Variants in ERI3 observed in about 807,000 individuals in gnomAD.
ERI3 encodes ERI1 exoribonuclease 3.
In ERI3, 18 loss-of-function variants were observed where a neutral mutation model predicts 44.4. The ratio of observed to expected loss-of-function variants is 0.41; its 90% CI spans 0.28 to 0.60. The LOEUF (loss-of-function observed/expected upper bound fraction) is 0.60. ERI3 is among the 20% of genes least tolerant of loss of function. The probability of loss-of-function intolerance (pLI) is 0.36; values close to 1 mark genes in which losing one functional copy is unlikely to be tolerated. For synonymous variants in ERI3, 183 were observed against 164.8 expected, an observed-to-expected ratio of 1.11 and a Z score of -0.84; for missense variants, 294 against 435.5, an observed-to-expected ratio of 0.68 and a Z score of 2.89.
At chr1:44,272,195 G>T (rs775408867) in intron 7 of ERI3, among the ~76,000 whole-genome samples, 39 of 152,196 alleles carry the variant, frequency 2.6e-4, no homozygotes, top group Non-Finnish European at 5.0e-4. Context: ...GCTCAAAGAA[G>T]TTAAGTGACT....
At chr1:44,223,444 A>G (rs139563087) in intron 8 of ERI3, among the ~76,000 whole-genome samples, 1 of 151,956 alleles carries the variant, frequency 6.6e-6, no homozygotes, top group Non-Finnish European at 1.5e-5. Context: ...AGAGACTATG[A>G]TAGGGTGATT....
At position 44,316,437 on chromosome 1, in the gene ERI3, T is replaced by G. The variant is rs112595061; in HGVS notation, c.606+3191A>C. On this transcript the variant is annotated intron_variant, in intron 4 of 8. Transcript: ENST00000372257. ...CCTGACTGATAACATGGCTGGTTAC[T>G]GAGATCCCCTACCCTCACAAGGGCT... Among the ~76,000 whole-genome samples, 11 of 152,334 alleles carry G rather than the reference T, an allele frequency of 7.2e-5. 1 individual carries two copies. The highest frequency in any genetic ancestry group is 2.6e-4 in the African/African-American group (11 of 41,578).
intron 7 of ERI3, among the ~76,000 whole-genome samples, chr1:44,265,158 A>G (rs910151510): frequency 5.3e-5 from 7 of 131,600 alleles, no homozygotes; most frequent in Non-Finnish European, 8.1e-5. Flanking sequence ...GAAGGAGAAC[A>G]AGTGGAGTCA....
At chr1:44,274,296 G>A (rs561159814) in intron 7 of ERI3, among the ~76,000 whole-genome samples, 28 of 152,304 alleles carry the variant, frequency 1.8e-4, no homozygotes, top group East Asian at 1.7e-3. Flanking sequence ...GGAGCGGCGC[G>A]CTTTATGGGC....
intron 2 of ERI3, among the ~76,000 whole-genome samples, chr1:44,342,439 T>C (rs1041756306): frequency 6.6e-6 from 1 of 151,984 alleles, no homozygotes; most frequent in Non-Finnish European, 1.5e-5. Flanking sequence ...AGTTAAAATA[T>C]GGAAAGGGAG....
At chr1:44,254,730 T>G (rs1437350636) in intron 7 of ERI3, among the ~76,000 whole-genome samples, 6 of 152,086 alleles carry the variant, frequency 3.9e-5, no homozygotes, top group South Asian at 2.1e-4. Flanking sequence ...GCAGAGCTCT[T>G]TCTGCATGCC....
rs1645362504 is a variant in ERI3, at chr1:44,284,975, G to A, written c.759-68C>T. On this transcript the variant is annotated intron_variant, in intron 6 of 8. Coordinates refer to ENST00000372257, the MANE Select transcript of ERI3 (RefSeq NM_024066.3). The stretch of plus-strand genomic sequence containing the variant: ...GTCCCAGGTATGAAGTCTTAAGATG[G>A]GAAGTCCAACAGAGCATACAAGACA... The A allele has an allele frequency of 2.2e-6, 3 of 1,352,574 alleles. No homozygotes were observed. The Admixed American group carries it at 5.2e-5, about 23-fold the overall frequency. The allele number at this position is 1,352,574 out of a possible 1,614,324, so 83.8% of individuals were successfully genotyped here. A position where few individuals can be genotyped will look rare whatever the true frequency, so the allele number is the denominator to read the frequency against.
chr1:44,281,988 C>A (rs1645300796), intron 7 of ERI3, among the ~76,000 whole-genome samples: 1 of 150,826 alleles, frequency 6.6e-6, no homozygotes, highest in Non-Finnish European at 1.5e-5. Context: ...GGGAGCAGGG[C>A]CCCAAGTCCT....
chr1:44,248,716 T>C (rs1644607564), intron 7 of ERI3, among the ~76,000 whole-genome samples: 1 of 151,790 alleles, frequency 6.6e-6, no homozygotes, highest in African/African-American at 2.4e-5. Context: ...TGTGTGTGTG[T>C]GTGTGTGTGT....
At chr1:44,268,344 T>C (rs975290047) in intron 7 of ERI3, among the ~76,000 whole-genome samples, 11 of 152,132 alleles carry the variant, frequency 7.2e-5, no homozygotes, top group East Asian at 1.9e-4. Context: ...ACCTGAGACC[T>C]AGGTCCAGGG....
chr1:44,226,816 A>ACACACACAC (rs1557764563), intron 8 of ERI3, among the ~76,000 whole-genome samples: 6 of 87,356 alleles, frequency 6.9e-5, no homozygotes, highest in African/African-American at 3.0e-4. Context: ...CACACACACA[A>ACACACACAC]ACTATCCTAT....
intron 6 of ERI3, among the ~76,000 whole-genome samples, chr1:44,298,094 G>A (rs1187586190): frequency 6.6e-6 from 1 of 152,266 alleles, no homozygotes; most frequent in Non-Finnish European, 1.5e-5. Context: ...GCAGACAGCT[G>A]CAAGCACTGG....
chr1:44,289,927 C>T (rs976503715), intron 6 of ERI3, among the ~76,000 whole-genome samples: 10 of 152,248 alleles, frequency 6.6e-5, no homozygotes, highest in African/African-American at 2.4e-4. Context: ...AGGCCAACAG[C>T]CAGGACCAGC....
chr1:44,253,718 G>A lies in ERI3; in HGVS notation c.832-5680C>T, dbSNP rs558026925. 1.6e-4 allele frequency among the ~76,000 whole-genome samples: 25 copies of A among 152,302 alleles called. No individual in the cohort carries two copies. The East Asian group carries it at 4.4e-3, about 27-fold the overall frequency. ...CCGGGGCTGCTGTGTTAAGTAGTGAGACTGCCTGAAGGTAGCCATGCCATG... is the reference window on the plus strand; with the variant it reads ...CCGGGGCTGCTGTGTTAAGTAGTGAAACTGCCTGAAGGTAGCCATGCCATG... On this transcript the variant is annotated intron_variant, in intron 7 of 8. Transcript: ENST00000372257.
chr1:44,307,690 A>C (rs1173210128), intron 6 of ERI3, among the ~76,000 whole-genome samples: 1 of 152,224 alleles, frequency 6.6e-6, no homozygotes, highest in African/African-American at 2.4e-5. Context: ...ACAAAGGAGG[A>C]AAGAGGAGGC....
At chr1:44,261,442 A>G (rs1644891839) in intron 7 of ERI3, among the ~76,000 whole-genome samples, 1 of 152,228 alleles carries the variant, frequency 6.6e-6, no homozygotes, top group South Asian at 2.1e-4. Context: ...CATCTCTTTC[A>G]ACCTTCACAG....
At chr1:44,258,940 C>T (rs1474103861) in intron 7 of ERI3, among the ~76,000 whole-genome samples, 3 of 152,150 alleles carry the variant, frequency 2.0e-5, no homozygotes, top group Non-Finnish European at 4.4e-5. Flanking sequence ...TGGGGTGCAC[C>T]CAACATCCTG....
chr1:44,330,652 G>C (rs1242289313), intron 3 of ERI3, among the ~76,000 whole-genome samples: 1 of 152,198 alleles, frequency 6.6e-6, no homozygotes, highest in South Asian at 2.1e-4. Context: ...CTGGGGGTGG[G>C]GGTAGCTGGT....
At chr1:44,313,801 C>G (rs2154328421) in intron 4 of ERI3, among the ~76,000 whole-genome samples, 1 of 152,178 alleles carries the variant, frequency 6.6e-6, no homozygotes, top group Middle Eastern at 3.4e-3. Context: ...CATACGTGGG[C>G]CATCAATATG....
Sources: gnomAD v4.1 joint callset for allele counts (sites outside exome capture counted in the v4.1 genomes callset) on GRCh38, gnomAD v4.1.1 for gene constraint, MANE v1.5 for transcripts, NCBI Gene and HGNC (gene_info 2026-07-23, HGNC 2026-07-21) for gene names.